Variants in EXOSC9 observed in about 807,000 individuals in gnomAD.
EXOSC9 encodes exosome complex component RRP45.
A neutral mutation model predicts 56.5 loss-of-function variants in EXOSC9; 38 were observed. That is an observed-to-expected ratio of 0.67 (90% CI 0.52 to 0.88). The LOEUF (loss-of-function observed/expected upper bound fraction) is 0.88. EXOSC9 is among the 40% of genes least tolerant of loss of function. EXOSC9 has a pLI of 0.00. For synonymous variants in EXOSC9, 170 were observed against 170.8 expected, an observed-to-expected ratio of 0.99 and a Z score of 0.04; for missense variants, 559 against 530.5, an observed-to-expected ratio of 1.05 and a Z score of -0.53.
chr4:121,811,108 G>A (rs1727198199), intron 7 of EXOSC9, among the ~76,000 whole-genome samples: 1 of 152,132 alleles, frequency 6.6e-6, no homozygotes, highest in Non-Finnish European at 1.5e-5. Context: ...TTATATCTTT[G>A]GGTCTCACTT....
At chr4:121,814,118 A>C (rs1724382900) in intron 10 of EXOSC9, 71 bp downstream of exon 10, 1 of 888,320 alleles carries the variant, frequency 1.1e-6, no homozygotes, top group African/African-American at 1.7e-5. Context: ...TTATATATAT[A>C]ATGCATAAAA....
intron 6 of EXOSC9, among the ~76,000 whole-genome samples, chr4:121,808,654 T>A (rs1231583091): frequency 3.3e-5 from 5 of 151,894 alleles, no homozygotes. Flanking sequence ...TGAGCCACCA[T>A]GCCTGGCTGT....
chr4:121,811,501 A>AAAAATTTC, intron 7 of EXOSC9, 82 bp from the exon 8 acceptor site: 1 of 728,894 alleles, frequency 1.4e-6, no homozygotes, highest in African/African-American at 1.8e-5. Flanking sequence ...ATAAAGGTAG[A>AAAAATTTC]AAAATTTCAT....
Position 121,802,925 on chromosome 4 carries a change from C to G in EXOSC9, c.292C>G (p.Leu98Val). ...ATTTTCTCCTTATAGGCAGTCAGATCTCTTGGTGAAGTTGAATCGACTCAT... is the reference window on the plus strand; with the variant it reads ...ATTTTCTCCTTATAGGCAGTCAGATGTCTTGGTGAAGTTGAATCGACTCAT... ...PAFEPGRQSD[L>V]LVKLNRLMER... The change falls in exon 4 of 12, where the codon CTC becomes GTC. Residue 98 changes from leucine (L) to valine (V), a missense_variant. By Grantham distance (32) the Leu-to-Val change is conservative. Transcript: ENST00000243498. 6.2e-7 allele frequency: 1 copy of G among 1,613,788 alleles called. No individual in the cohort carries two copies. Among genetic ancestry groups the G allele is most frequent in the Non-Finnish European group, 8.5e-7 (1 of 1,179,738 alleles).
intron 1 of EXOSC9, 132 bp from the exon 2 acceptor site, chr4:121,801,695 C>T: frequency 3.5e-6 from 3 of 845,158 alleles, no homozygotes; most frequent in Non-Finnish European, 5.9e-6. Flanking sequence ...CTGTAGTTTC[C>T]ACTTTCCTGT....
At chr4:121,816,051 G>A in intron 10 of EXOSC9, 1 of 868,794 alleles carries the variant, frequency 1.2e-6, no homozygotes, top group Non-Finnish European at 1.6e-6. Context: ...CCACCTCCAT[G>A]GGTTCAAGCG....
At chr4:121,803,596 A>G (rs6811867) in intron 4 of EXOSC9, among the ~76,000 whole-genome samples, 48,295 of 152,004 alleles carry the variant, frequency 0.32, 8,694 homozygotes, top group East Asian at 0.44. Context: ...GCTGGAGTGC[A>G]GTGGTGCAAT....
At chr4:121,810,413 C>T (rs1727180209) in intron 7 of EXOSC9, among the ~76,000 whole-genome samples, 1 of 149,816 alleles carries the variant, frequency 6.7e-6, no homozygotes, top group Admixed American at 6.7e-5. Flanking sequence ...GGCATGTTGG[C>T]TTACGCCTGT....
At chr4:121,809,536 C>T (rs960968753) in intron 6 of EXOSC9, among the ~76,000 whole-genome samples, 17 of 151,950 alleles carry the variant, frequency 1.1e-4, no homozygotes, top group African/African-American at 3.4e-4. Flanking sequence ...GCAAATGTAC[C>T]GGACAGTGCA....
chr4:121,814,309 CTAAAT>C (rs1343528089), intron 10 of EXOSC9: 1 of 211,820 alleles, frequency 4.7e-6, no homozygotes, highest in East Asian at 1.0e-4. Context: ...TAAATTTCAA[CTAAAT>C]TATTGTGGCT....
In EXOSC9 at chr4:121,816,087, C is replaced by T. The variant is rs1578509164; in HGVS notation, c.1157-282C>T. Reference sequence around the variant, plus strand: ...ATTCTCATGCCTCAGCCTCGAGTAGCTGGGCCTACAAGCACATGCCACCAC... The same window carrying T: ...ATTCTCATGCCTCAGCCTCGAGTAGTTGGGCCTACAAGCACATGCCACCAC... On this transcript the variant is annotated intron_variant, in intron 10 of 11. Coordinates refer to ENST00000243498, the MANE Select transcript of EXOSC9 (RefSeq NM_005033.3). The T allele has an allele frequency of 5.9e-6, 4 of 683,328 alleles. No individual in the cohort carries two copies. In the East Asian group the frequency reaches 1.3e-4, roughly 22 times the overall value. 42.3% of individuals were successfully genotyped at this position (683,328 alleles called of 1,614,324 possible). A position where few individuals can be genotyped will look rare whatever the true frequency, so the allele number is the denominator to read the frequency against.
At chr4:121,809,685 A>G in intron 6 of EXOSC9, 1 of 406,918 alleles carries the variant, frequency 2.5e-6, no homozygotes, top group African/African-American at 2.0e-5. Flanking sequence ...CATTTAATCA[A>G]AGAGATAGCA....
In EXOSC9 at chr4:121,810,019, T is replaced by G. The variant is rs766952159; in HGVS notation, c.658T>G (p.Leu220Val). The change falls in exon 7 of 12, where the codon TTG (leucine) becomes GTG (valine). Residue 220 changes from leucine (L) to valine (V), a missense_variant. By Grantham distance (32) the Leu-to-Val change is conservative. Coordinates refer to ENST00000243498, the MANE Select transcript of EXOSC9 (RefSeq NM_005033.3). The stretch of plus-strand genomic sequence containing the variant: ...ACGAGAAGAACGTGTGATGGATGGC[T>G]TGCTGGTGATTGCCATGAACAAACA... ...NEREERVMDG[L>V]LVIAMNKHRE... 6.2e-7 allele frequency: 1 copy of G among 1,613,820 alleles called. No homozygotes were observed. Among genetic ancestry groups the G allele is most frequent in the Non-Finnish European group, 8.5e-7 (1 of 1,179,684 alleles).
At chr4:121,812,019 C>T (rs115182665) in intron 8 of EXOSC9, among the ~76,000 whole-genome samples, 262 of 152,050 alleles carry the variant, frequency 1.7e-3, no homozygotes, top group African/African-American at 6.2e-3. Flanking sequence ...GATGCAGTGA[C>T]TTGTGGATAG....
intron 5 of EXOSC9, among the ~76,000 whole-genome samples, chr4:121,806,663 AT>A (rs1480029246): frequency 6.6e-6 from 1 of 152,226 alleles, no homozygotes; most frequent in Non-Finnish European, 1.5e-5. Context: ...AAATAATGGA[AT>A]GCTGTTCAGT....
At position 121,815,959 on chromosome 4, in the gene EXOSC9, C is replaced by T. The variant is rs116139349; in HGVS notation, c.1157-410C>T. ...AGCTGATTTAAAGAAAAGATTAAGC[C>T]TCCACCTAGAGTTTTATTTTTATTT... On this transcript the variant is annotated intron_variant, in intron 10 of 11. Coordinates refer to ENST00000243498, the MANE Select transcript of EXOSC9 (RefSeq NM_005033.3). 3.2e-3 allele frequency: 3,920 copies of T among 1,236,750 alleles called. 102 individuals are homozygous for T. The African/African-American group carries it at 0.055, about 17-fold the overall frequency. 76.6% of individuals were successfully genotyped at this position (1,236,750 alleles called of 1,614,324 possible).
intron 1 of EXOSC9, 57 bp from the exon 2 acceptor site, chr4:121,801,770 G>C (rs1162188748): frequency 2.1e-6 from 3 of 1,455,846 alleles, no homozygotes; most frequent in Non-Finnish European, 2.9e-6. Flanking sequence ...ACAAAAAGTA[G>C]TTGCTTAAGA....
chr4:121,813,267 T>A lies in EXOSC9; in HGVS notation c.861T>A (p.Ser287=). ...GTGGAAAGTTTGGTTTTGCAGAGTC[T>A]ATAGCAAATCAAAGGATCACAGCAT... ...KEGGKFGFAE[S]IANQRITAFK... is the part of the protein sequence containing the mutation. Residue 287 remains serine, a synonymous_variant, in exon 9 of 12, where the codon TCT becomes TCA. Transcript: ENST00000243498. 1.9e-6 allele frequency: 3 copies of A among 1,613,892 alleles called. No individual in the cohort carries two copies. The highest frequency in any genetic ancestry group is 2.5e-6 in the Non-Finnish European group (3 of 1,179,862).
chr4:121,816,978 T>G lies in EXOSC9; in HGVS notation c.*122T>G. 2.8e-6 allele frequency: 3 copies of G among 1,064,840 alleles called. No individual in the cohort carries two copies. Among genetic ancestry groups the G allele is most frequent in the Non-Finnish European group, 3.9e-6 (3 of 778,212 alleles). 66.0% of individuals were successfully genotyped at this position (1,064,840 alleles called of 1,614,324 possible). On this transcript the variant is annotated 3_prime_UTR_variant, in exon 12 of 12. Coordinates refer to ENST00000243498, the MANE Select transcript of EXOSC9 (RefSeq NM_005033.3). ...AATCTAGCAGGATTTTAAAAATAGT[T>G]TTTTGTTTTTAATGTGCTTTAAAAT...
Sources: gnomAD v4.1 joint callset for allele counts (sites outside exome capture counted in the v4.1 genomes callset) on GRCh38, gnomAD v4.1.1 for gene constraint, MANE v1.5 for transcripts, NCBI Gene and HGNC (gene_info 2026-07-23, HGNC 2026-07-21) for gene names.